Variants in RPS6KC1 observed in about 807,000 individuals in gnomAD.
RPS6KC1 encodes the protein inactive ribosomal protein S6 kinase delta-1.
Under a neutral mutation model 103.8 loss-of-function variants are expected in RPS6KC1, and 54 were observed. The ratio of observed to expected loss-of-function variants is 0.52; its 90% CI spans 0.42 to 0.65. The LOEUF (loss-of-function observed/expected upper bound fraction) is 0.65, where lower values mean the gene tolerates loss of function less well. Among genes scored for constraint, RPS6KC1 ranks in the 30% least tolerant of loss-of-function variants. The pLI is 0.00. For missense variants in RPS6KC1, 1,151 were observed against 1,253.8 expected (o/e 0.92, Z 1.24); for synonymous variants, 439 against 438.7 (o/e 1.00, Z -0.01).
At chr1:213,245,716 AG>A (rs916896050) in intron 12 of RPS6KC1, among the ~76,000 whole-genome samples, 1 of 152,114 alleles carries the variant, frequency 6.6e-6, no homozygotes, top group African/African-American at 2.4e-5. Context: ...CCAAACTAGC[AG>A]GGGGGCCATT....
intron 8 of RPS6KC1, among the ~76,000 whole-genome samples, chr1:213,200,249 A>G: frequency 6.6e-6 from 1 of 152,232 alleles, no homozygotes; most frequent in Admixed American, 6.5e-5. Context: ...ACAAGGCTAC[A>G]GTAACCAAAA....
chr1:213,236,783 CTG>C (rs2094230793), intron 10 of RPS6KC1, among the ~76,000 whole-genome samples: 2 of 152,048 alleles, frequency 1.3e-5, no homozygotes, highest in South Asian at 2.1e-4. Flanking sequence ...AAGTCTCTGA[CTG>C]TGGATATACA....
chr1:213,540,157 G>C, the RPS6KC1 span, among the ~76,000 whole-genome samples: 1 of 152,020 alleles, frequency 6.6e-6, no homozygotes, highest in African/African-American at 2.4e-5. Context: ...TTGTCATCCT[G>C]GCTAGAGTGC....
chr1:213,195,044 AT>A (rs1470506953), intron 8 of RPS6KC1, among the ~76,000 whole-genome samples: 1 of 152,098 alleles, frequency 6.6e-6, no homozygotes, highest in African/African-American at 2.4e-5. Flanking sequence ...TTAGGGGGTG[AT>A]TTGCAAGGGA....
intron 5 of RPS6KC1, among the ~76,000 whole-genome samples, chr1:213,122,705 C>A (rs1440839468): frequency 6.6e-6 from 1 of 152,010 alleles, no homozygotes; most frequent in Non-Finnish European, 1.5e-5. Flanking sequence ...TTTTTCTAGG[C>A]CCTTTGGTGT....
At chr1:213,765,089 T>G in the RPS6KC1 span, among the ~76,000 whole-genome samples, 3 of 152,134 alleles carry the variant, frequency 2.0e-5, no homozygotes, top group Admixed American at 6.5e-5. Context: ...AGGGAAGTGG[T>G]CATCCTGGTG....
the RPS6KC1 span, among the ~76,000 whole-genome samples, chr1:213,426,907 T>G: frequency 6.6e-6 from 1 of 152,264 alleles, no homozygotes; most frequent in South Asian, 2.1e-4. Context: ...TGTGTTATGA[T>G]GACAGGCCCT....
chr1:213,233,186 C>T (rs1233516198), intron 10 of RPS6KC1, among the ~76,000 whole-genome samples: 1 of 151,978 alleles, frequency 6.6e-6, no homozygotes, highest in South Asian at 2.1e-4. Flanking sequence ...TTGTGAAGTA[C>T]AGCACAAGAT....
the RPS6KC1 span, among the ~76,000 whole-genome samples, chr1:213,763,084 C>T: frequency 6.6e-6 from 1 of 152,248 alleles, no homozygotes; most frequent in Non-Finnish European, 1.5e-5. Context: ...GTCTCAAACT[C>T]CTGACCTCAG....
chr1:213,742,185 T>C, the RPS6KC1 span, among the ~76,000 whole-genome samples: 71,936 of 152,058 alleles, frequency 0.47, 17,803 homozygotes, highest in East Asian at 0.75. Flanking sequence ...AAATTAACTT[T>C]TTAAAAATTT....
At chr1:213,371,062 C>T in the RPS6KC1 span, among the ~76,000 whole-genome samples, 9,150 of 152,216 alleles carry the variant, frequency 0.06, 693 homozygotes, top group East Asian at 0.19. Flanking sequence ...CCAGAACTTT[C>T]CTTCTTGCAC....
the RPS6KC1 span, among the ~76,000 whole-genome samples, chr1:213,610,795 A>G: frequency 6.6e-6 from 1 of 152,194 alleles, no homozygotes; most frequent in African/African-American, 2.4e-5. Context: ...TCTGAGGGTC[A>G]GTTTGCTCCG....
At chr1:213,731,257 A>G in the RPS6KC1 span, among the ~76,000 whole-genome samples, 1 of 152,170 alleles carries the variant, frequency 6.6e-6, no homozygotes, top group Non-Finnish European at 1.5e-5. Context: ...TATGAATTTT[A>G]AAATAGCTTT....
At chr1:213,268,983 C>T (rs2094977141) in intron 14 of RPS6KC1, among the ~76,000 whole-genome samples, 1 of 151,982 alleles carries the variant, frequency 6.6e-6, no homozygotes, top group African/African-American at 2.4e-5. Context: ...AGCAAAATAG[C>T]AAATATAAAC....
chr1:213,749,263 G>A, the RPS6KC1 span, among the ~76,000 whole-genome samples: 4 of 152,144 alleles, frequency 2.6e-5, no homozygotes, highest in Non-Finnish European at 5.9e-5. Context: ...AGTGTTTGGC[G>A]GGCAGAAGGA....
the RPS6KC1 span, among the ~76,000 whole-genome samples, chr1:213,760,004 C>T: frequency 1.3e-5 from 2 of 152,180 alleles, no homozygotes; most frequent in Non-Finnish European, 2.9e-5. Context: ...CTTTCCCCCT[C>T]GTTCCCTGCA....
the RPS6KC1 span, among the ~76,000 whole-genome samples, chr1:213,696,608 T>G: frequency 6.6e-6 from 1 of 152,120 alleles, no homozygotes; most frequent in Non-Finnish European, 1.5e-5. Flanking sequence ...TGTGACTTAT[T>G]TAAAACTTCT....
At chr1:213,316,435 C>G in the RPS6KC1 span, among the ~76,000 whole-genome samples, 1 of 152,098 alleles carries the variant, frequency 6.6e-6, no homozygotes, top group Admixed American at 6.5e-5. Flanking sequence ...TTAAACCATG[C>G]CTAAATTACA....
chr1:213,659,955 T>C, the RPS6KC1 span, among the ~76,000 whole-genome samples: 1 of 152,194 alleles, frequency 6.6e-6, no homozygotes, highest in Non-Finnish European at 1.5e-5. Context: ...AAGGTCAGGT[T>C]GCAAAGGAGT....
Sources: allele counts gnomAD v4.1 joint callset (sites outside exome capture counted in the v4.1 genomes callset), GRCh38; gene constraint gnomAD v4.1.1; transcripts MANE v1.5; gene names NCBI Gene and HGNC (gene_info 2026-07-23, HGNC 2026-07-21).